Variants in RPTOR observed in about 807,000 individuals in gnomAD.
RPTOR encodes the protein regulatory-associated protein of mTOR.
RPTOR carries 21 observed loss-of-function variants against 169.9 expected under a neutral mutation model. The ratio of observed to expected loss-of-function variants is 0.12; its 90% confidence interval spans 0.09 to 0.18. The LOEUF (loss-of-function observed/expected upper bound fraction) is 0.18. Ranked by LOEUF, RPTOR falls within the 10% of genes least tolerant of loss-of-function variation. RPTOR has a pLI of 1.00. For synonymous variants in RPTOR, 732 were observed against 753.2 expected (o/e 0.97, Z 0.46); for missense variants, 1,133 against 1,855.9 (o/e 0.61, Z 7.16).
intron 5 of RPTOR, among the ~76,000 whole-genome samples, chr17:80,752,631 C>T (rs1299497013): frequency 4.6e-5 from 7 of 152,176 alleles, no homozygotes; most frequent in African/African-American, 9.7e-5. Context: ...ATGCAGGCAA[C>T]GTAGGTAGCC....
At position 80,923,598 on chromosome 17, in the gene RPTOR, C is replaced by T. The variant is rs976837687; in HGVS notation, c.2733C>T (p.Pro911=). The T allele has an allele frequency of 1.1e-5, 18 of 1,613,098 alleles. No homozygotes were observed. Among genetic ancestry groups the T allele is most frequent in the Admixed American group, 1.7e-5 (1 of 59,976 alleles). The change falls in exon 23 of 34, where the codon CCC becomes CCT. Residue 911 remains proline (P), a synonymous_variant. Coordinates refer to ENST00000306801, the MANE Select transcript of RPTOR (RefSeq NM_020761.3). ...CTGGCCGGCCGGGCACCACAGGCCC[C>T]GCTGGGGCGCAGTACACCCCTCACT... is the stretch of plus-strand genomic sequence containing the variant. The part of the protein sequence containing the change: ...LPSGRPGTTG[P]AGAQYTPHSH...
intron 5 of RPTOR, among the ~76,000 whole-genome samples, chr17:80,751,657 T>C (rs1567893199): frequency 6.6e-6 from 1 of 152,182 alleles, no homozygotes; most frequent in Non-Finnish European, 1.5e-5. Context: ...CTTACAATAT[T>C]CATTTACAAT....
rs777765349 is a variant in RPTOR at position 80,625,685 on chromosome 17, T to TC, written c.163-6_163-5insC. ...ATTTATTTATTTTTTTCTGTTGTGT[T>TC]TTCAGATGAAGACAGTCAGTGTTGC... On this transcript the variant is annotated splice_polypyrimidine_tract_variant and splice_region_variant and intron_variant, in intron 1 of 33. Coordinates refer to ENST00000306801, the MANE Select transcript of RPTOR (RefSeq NM_020761.3). 1.3e-6 allele frequency: 2 copies of TC among 1,587,412 alleles called. No individual in the cohort carries two copies. The highest frequency in any genetic ancestry group is 2.7e-5 in the African/African-American group (2 of 74,498).
intron 13 of RPTOR, among the ~76,000 whole-genome samples, chr17:80,859,962 A>C (rs2067899388): frequency 6.6e-6 from 1 of 152,150 alleles, no homozygotes; most frequent in Non-Finnish European, 1.5e-5. Context: ...CCTTGCCCAC[A>C]CAGGGAAATG....
intron 6 of RPTOR, among the ~76,000 whole-genome samples, chr17:80,757,840 G>A (rs1282205229): frequency 6.6e-6 from 1 of 151,882 alleles, no homozygotes; most frequent in Non-Finnish European, 1.5e-5. Flanking sequence ...GCCCCTCATT[G>A]TAGTCTTCCA....
chr17:80,749,517 A>G (rs547688089), intron 5 of RPTOR, among the ~76,000 whole-genome samples: 101 of 69,648 alleles, frequency 1.5e-3, no homozygotes, highest in Admixed American at 2.9e-3. Context: ...TGGCGGGAGG[A>G]CCTGTTGGGT....
At chr17:80,560,155 C>T (rs762571092) in intron 1 of RPTOR, among the ~76,000 whole-genome samples, 6 of 152,144 alleles carry the variant, frequency 3.9e-5, no homozygotes, top group Non-Finnish European at 5.9e-5. Context: ...AACAAGGTAG[C>T]GATTTCAGGA....
rs377674518 is a variant in RPTOR at position 80,964,273 on chromosome 17, C to T, written c.3951C>T (p.Ala1317=). The T allele has an allele frequency of 6.8e-6, 11 of 1,607,290 alleles. No individual in the cohort carries two copies. The East Asian group carries it at 1.3e-4, about 20-fold the overall frequency. The change falls in exon 34 of 34, where the codon GCC becomes GCT. Residue 1317 remains alanine (A), a synonymous_variant. Transcript: ENST00000306801. ...CTCTCTCCTTGCAGCCTCACCTGGC[C>T]GTGGGAAGCAACGACTACTACATCT... ...LAFHPHWPHL[A]VGSNDYYISV...
chr17:80,753,836 A>G (rs1200893246), intron 5 of RPTOR, among the ~76,000 whole-genome samples, 174 bp from the exon 6 acceptor site: 2 of 152,056 alleles, frequency 1.3e-5, no homozygotes, highest in Admixed American at 6.5e-5. Flanking sequence ...CCAGGCTTAC[A>G]GTCTGTCTCT....
rs1051086273 is a variant in RPTOR at position 80,545,075 on chromosome 17, A to G, written c.-555A>G. ...GAGGAACCGGGTGCAGGCGAGCACG[A>G]TGGGCCGGTCGTGGCTCTGGTTGCA... On this transcript the variant is annotated 5_prime_UTR_variant, in exon 1 of 34. It removes an upstream start codon present in the reference 5' UTR. Transcript: ENST00000306801. 1 of 233,608 alleles carries G rather than the reference A, an allele frequency of 4.3e-6. No individual in the cohort carries two copies. Among genetic ancestry groups the G allele is most frequent in the Non-Finnish European group, 8.5e-6 (1 of 118,062 alleles). 14.5% of individuals were successfully genotyped at this position (233,608 alleles called of 1,614,324 possible).
At chr17:80,664,629 A>T (rs1210323468) in intron 3 of RPTOR, among the ~76,000 whole-genome samples, 1 of 152,020 alleles carries the variant, frequency 6.6e-6, no homozygotes, top group Non-Finnish European at 1.5e-5. Flanking sequence ...ACTTAGTAGC[A>T]CTCAGAATCC....
At chr17:80,846,081 GC>G (rs2067726353) in intron 10 of RPTOR, among the ~76,000 whole-genome samples, 1 of 152,194 alleles carries the variant, frequency 6.6e-6, no homozygotes, top group South Asian at 2.1e-4. Flanking sequence ...CGTGTCCCCA[GC>G]CAGACTTGCC....
chr17:80,729,010 G>A (rs963000729), intron 4 of RPTOR, among the ~76,000 whole-genome samples: 11 of 152,284 alleles, frequency 7.2e-5, no homozygotes, highest in African/African-American at 2.2e-4. Context: ...GATGATGTAC[G>A]TGTCTCCACA....
intron 25 of RPTOR, among the ~76,000 whole-genome samples, chr17:80,943,469 C>T (rs1196152210): frequency 2.0e-5 from 3 of 152,224 alleles, no homozygotes; most frequent in Non-Finnish European, 2.9e-5. Flanking sequence ...AGCCGGAGTC[C>T]TGCTGGTGCA....
intron 10 of RPTOR, among the ~76,000 whole-genome samples, chr17:80,841,558 C>T (rs1380267068): frequency 3.7e-5 from 5 of 134,558 alleles, no homozygotes; most frequent in African/African-American, 5.7e-5. Context: ...TCACTCTCAC[C>T]GCACGGCAGA....
At chr17:80,932,114 TAGTA>T (rs1396279558) in intron 24 of RPTOR, among the ~76,000 whole-genome samples, 1 of 150,228 alleles carries the variant, frequency 6.7e-6, no homozygotes, top group Non-Finnish European at 1.5e-5. Flanking sequence ...TTTAACAGTC[TAGTA>T]ATAGAGGCAC....
intron 1 of RPTOR, among the ~76,000 whole-genome samples, chr17:80,551,006 G>A (rs2084337539): frequency 6.6e-6 from 1 of 152,162 alleles, no homozygotes; most frequent in Non-Finnish European, 1.5e-5. Flanking sequence ...TCGTGCCTCA[G>A]TCTCCCGAGT....
At chr17:80,732,373 T>A (rs1292204045) in intron 5 of RPTOR, among the ~76,000 whole-genome samples, 1 of 152,136 alleles carries the variant, frequency 6.6e-6, no homozygotes, top group Non-Finnish European at 1.5e-5. Context: ...ACCAAATGCT[T>A]GCATTCCAGC....
chr17:80,827,889 T>G (rs906425606), intron 9 of RPTOR, among the ~76,000 whole-genome samples: 2 of 152,334 alleles, frequency 1.3e-5, no homozygotes, highest in Non-Finnish European at 2.9e-5. Context: ...CGATTTTTAC[T>G]ATCAATATGC....
Sources: allele counts gnomAD v4.1 joint callset (sites outside exome capture counted in the v4.1 genomes callset), GRCh38; gene constraint gnomAD v4.1.1; transcripts MANE v1.5; gene names NCBI Gene and HGNC (gene_info 2026-07-23, HGNC 2026-07-21).